PAK5: variants seen among roughly 807,000 people sequenced by gnomAD.
The protein encoded by PAK5 is p21 (RAC1) activated kinase 5, also known as serine/threonine-protein kinase PAK 5.
In PAK5, 16 loss-of-function variants were observed where a neutral mutation model predicts 65.9. The observed-to-expected ratio is 0.24, with a 90% CI of 0.16 to 0.37. The LOEUF is 0.37. Among genes scored for constraint, PAK5 ranks in the 10% least tolerant of loss-of-function variants. The pLI is 1.00. For synonymous variants in PAK5, 371 were observed against 354.9 expected, an observed-to-expected ratio of 1.05 and a Z score of -0.51; for missense variants, 785 against 903.9, an observed-to-expected ratio of 0.87 and a Z score of 1.69.
chr20:9,581,144 C>T (rs1315949966), intron 3 of PAK5, among the ~76,000 whole-genome samples: 3 of 152,032 alleles, frequency 2.0e-5, no homozygotes, highest in Non-Finnish European at 2.9e-5. Flanking sequence ...TTCTTCTTAC[C>T]TATCTCAACA....
At chr20:9,671,540 T>G (rs1442699129) in intron 2 of PAK5, among the ~76,000 whole-genome samples, 1 of 151,996 alleles carries the variant, frequency 6.6e-6, no homozygotes, top group Admixed American at 6.6e-5. Flanking sequence ...GAATCAATTG[T>G]GAATGGGAGT....
At chr20:9,561,321 C>T (rs908554832) in intron 6 of PAK5, among the ~76,000 whole-genome samples, 2 of 152,128 alleles carry the variant, frequency 1.3e-5, no homozygotes, top group African/African-American at 4.8e-5. Flanking sequence ...CTGTATGAAG[C>T]TCTGGAAGGC....
chr20:9,831,282 T>C (rs1978696735), intron 1 of PAK5, among the ~76,000 whole-genome samples: 1 of 152,258 alleles, frequency 6.6e-6, no homozygotes, highest in African/African-American at 2.4e-5. Flanking sequence ...TTCTTTTAGC[T>C]ACCTAATATC....
At chr20:9,798,319 G>T (rs547035095) in intron 1 of PAK5, among the ~76,000 whole-genome samples, 14 of 152,230 alleles carry the variant, frequency 9.2e-5, no homozygotes, top group South Asian at 4.1e-4. Context: ...GAGCAAATTT[G>T]TGTATTAATG....
intron 2 of PAK5, among the ~76,000 whole-genome samples, chr20:9,671,199 A>G (rs2047492067): frequency 6.6e-6 from 1 of 152,182 alleles, no homozygotes; most frequent in Non-Finnish European, 1.5e-5. Flanking sequence ...GTTTGAAGTC[A>G]GGTAGCATGA....
chr20:9,800,455 A>C (rs139498358), intron 1 of PAK5, among the ~76,000 whole-genome samples: 1 of 152,248 alleles, frequency 6.6e-6, no homozygotes, highest in African/African-American at 2.4e-5. Context: ...TTTGAACTTC[A>C]TGCCTGTGGG....
chr20:9,669,599 A>G (rs960525958), intron 2 of PAK5, among the ~76,000 whole-genome samples: 3 of 152,108 alleles, frequency 2.0e-5, no homozygotes, highest in Admixed American at 1.3e-4. Flanking sequence ...ATCATCATCT[A>G]GGCAACATCC....
At chr20:9,681,651 C>A (rs1395779699) in intron 2 of PAK5, among the ~76,000 whole-genome samples, 1 of 152,056 alleles carries the variant, frequency 6.6e-6, no homozygotes, top group East Asian at 1.9e-4. Flanking sequence ...AATGTAAGAG[C>A]CTTGGAATTG....
At chr20:9,716,872 C>T in intron 1 of PAK5, among the ~76,000 whole-genome samples, 1 of 152,080 alleles carries the variant, frequency 6.6e-6, no homozygotes, top group African/African-American at 2.4e-5. Context: ...CACTTGAGCT[C>T]ATGAGTTTTG....
At chr20:9,562,534 G>T (rs2045606634) in intron 6 of PAK5, among the ~76,000 whole-genome samples, 2 of 152,122 alleles carry the variant, frequency 1.3e-5, no homozygotes, top group African/African-American at 4.8e-5. Context: ...GGTATCCTTG[G>T]TGTCTTAGCA....
intron 1 of PAK5, among the ~76,000 whole-genome samples, chr20:9,720,440 G>A (rs1395575706): frequency 6.6e-6 from 1 of 151,976 alleles, no homozygotes; most frequent in Admixed American, 6.6e-5. Context: ...TTCTTATACT[G>A]CAAAATCAAG....
In PAK5 at chr20:9,624,914, G is replaced by T. The variant is rs544067206; in HGVS notation, c.204+19211C>A. On this transcript the variant is annotated intron_variant, in intron 3 of 9. Coordinates refer to ENST00000353224, the MANE Select transcript of PAK5 (RefSeq NM_177990.4). The stretch of plus-strand genomic sequence containing the variant: ...TCACAGAAACAAACAAACAAATTAT[G>T]AATCTGTTATAAGCAATTAAGTAAG... 1.2e-4 allele frequency among the ~76,000 whole-genome samples: 19 copies of T among 152,314 alleles called. No individual in the cohort carries two copies. In the South Asian group the frequency reaches 3.7e-3, roughly 30 times the overall value.
chr20:9,698,667 G>C (rs1600256945), intron 2 of PAK5, among the ~76,000 whole-genome samples: 2 of 152,270 alleles, frequency 1.3e-5, no homozygotes, highest in South Asian at 4.1e-4. Context: ...AACAGACAAA[G>C]CATGGATTTC....
chr20:9,696,741 T>G (rs2047875072), intron 2 of PAK5, among the ~76,000 whole-genome samples: 3 of 152,156 alleles, frequency 2.0e-5, no homozygotes, highest in African/African-American at 4.8e-5. Flanking sequence ...TAGCTCTGTA[T>G]GTAGAAAGTG....
intron 1 of PAK5, among the ~76,000 whole-genome samples, chr20:9,815,754 A>T (rs2049349786): frequency 1.3e-5 from 2 of 152,098 alleles, no homozygotes; most frequent in Non-Finnish European, 2.9e-5. Flanking sequence ...TTAAAATGGT[A>T]ATTAAATTTA....
At chr20:9,743,113 A>T (rs1313410637) in intron 1 of PAK5, among the ~76,000 whole-genome samples, 1 of 152,118 alleles carries the variant, frequency 6.6e-6, no homozygotes, top group Non-Finnish European at 1.5e-5. Flanking sequence ...TATGCCTGTT[A>T]TCCCAGCGCC....
At chr20:9,764,825 C>T (rs2048739071) in intron 1 of PAK5, among the ~76,000 whole-genome samples, 1 of 152,010 alleles carries the variant, frequency 6.6e-6, no homozygotes, top group African/African-American at 2.4e-5. Context: ...ATGCATAGAA[C>T]TAAATATTTT....
chr20:9,690,750 C>CTTTTTTTTTTTTTTTTTTTTT (rs112955560), intron 2 of PAK5, among the ~76,000 whole-genome samples: 1 of 103,978 alleles, frequency 9.6e-6, no homozygotes, highest in Non-Finnish European at 1.9e-5. Context: ...TTCTTTCTTT[C>CTTTTTTTTTTTTTTTTTTTTT]TTTTTTTTTT....
chr20:9,609,497 C>T (rs930096551), intron 3 of PAK5, among the ~76,000 whole-genome samples: 4 of 152,206 alleles, frequency 2.6e-5, no homozygotes, highest in Non-Finnish European at 4.4e-5. Flanking sequence ...GGCCGAGATG[C>T]AAACTCTTCC....
Sources: allele counts gnomAD v4.1 joint callset (sites outside exome capture counted in the v4.1 genomes callset), GRCh38; gene constraint gnomAD v4.1.1; transcripts MANE v1.5; gene names NCBI Gene and HGNC (gene_info 2026-07-23, HGNC 2026-07-21).